The following SLC1A5 variants were observed in gnomAD, a reference collection of about 807,000 sequenced individuals.
The protein encoded by SLC1A5 is neutral amino acid transporter B(0).
Under a neutral mutation model 34.9 loss-of-function variants are expected in SLC1A5, and 25 were observed. That is an observed-to-expected ratio of 0.72 (90% CI 0.52 to 1.00). The LOEUF (loss-of-function observed/expected upper bound fraction) is 1.00. Ranked by LOEUF, SLC1A5 falls within the 50% of genes least tolerant of loss-of-function variation. SLC1A5 has a pLI of 0.00. For synonymous variants in SLC1A5, 351 were observed against 341.2 expected (o/e 1.03, Z -0.32); for missense variants, 637 against 740.0 (o/e 0.86, Z 1.61).
At position 46,787,734 on chromosome 19, in the gene SLC1A5, C is replaced by G. The variant is rs1213480950; in HGVS notation, c.232G>C (p.Ala78Pro). 2 of 1,559,644 alleles carry G rather than the reference C, an allele frequency of 1.3e-6. No individual in the cohort carries two copies. Among genetic ancestry groups the G allele is most frequent in the South Asian group, 2.3e-5 (2 of 86,146 alleles). ...LGLGVSGAGG[A>P]LALGPERLSA... The stretch of plus-strand genomic sequence containing the variant: ...AAGCGCTCCGGGCCCAACGCCAGCG[C>G]ACCCCCGGCCCCCGACACCCCCAGT... The change falls in exon 1 of 8, where the codon GCG (alanine) becomes CCG (proline). Residue 78 changes from alanine to proline, a missense_variant. Coordinates refer to ENST00000542575, the MANE Select transcript of SLC1A5 (RefSeq NM_005628.3). This position sits in a 1 kb window ranked among gnomAD's most constrained non-coding sequence, Gnocchi z 5.2.
At chr19:46,775,961 G>A (rs926779819) in intron 7 of SLC1A5, among the ~76,000 whole-genome samples, 2 of 151,328 alleles carry the variant, frequency 1.3e-5, no homozygotes, top group Non-Finnish European at 2.9e-5. Context: ...CACACCTATA[G>A]TCCCAGCTAC....
At chr19:46,784,866 G>A in intron 1 of SLC1A5, 2 of 1,375,070 alleles carry the variant, frequency 1.5e-6, no homozygotes, top group Non-Finnish European at 1.9e-6. Flanking sequence ...CCGGGCCTCA[G>A]CTCCACCCCA....
Position 46,774,983 on chromosome 19 carries a change from C to G in SLC1A5, c.*527G>C, listed in dbSNP as rs1455547767. ...CTCCCCAGAGTCCCTGGGAGTGTTT[C>G]TGTTATTGTGGAGGGAATAGGGGAT... On this transcript the variant is annotated 3_prime_UTR_variant, in exon 8 of 8. Transcript: ENST00000542575. 1.0e-6 allele frequency: 1 copy of G among 985,916 alleles called. No individual in the cohort carries two copies. Among genetic ancestry groups the G allele is most frequent in the Admixed American group, 6.2e-5 (1 of 16,250 alleles). The allele number at this position is 985,916 out of a possible 1,614,324, so 61.1% of individuals were successfully genotyped here.
rs1279115527 is a variant in SLC1A5, at chr19:46,784,503, C to T, written c.609+14G>A. 3.7e-6 allele frequency: 6 copies of T among 1,613,708 alleles called. No homozygotes were observed. The highest frequency in any genetic ancestry group is 2.2e-5 in the East Asian group (1 of 44,890). On this transcript the variant is annotated intron_variant, in intron 2 of 7. Coordinates refer to ENST00000542575, the MANE Select transcript of SLC1A5 (RefSeq NM_005628.3). ...GTCCACCCCCATCCCCTCAGGACAC[C>T]CCTGAGGACTCACTGAGCGAAAGGC...
chr19:46,783,234 T>C (rs313851), intron 3 of SLC1A5, among the ~76,000 whole-genome samples: 29,256 of 151,220 alleles, frequency 0.19, 3,053 homozygotes, highest in East Asian at 0.27. Context: ...GAGGCTAAGG[T>C]GGGCAGATCA....
rs747192525 is a variant in SLC1A5, at chr19:46,784,502, C to A, written c.609+15G>T. 1.9e-6 allele frequency: 3 copies of A among 1,613,806 alleles called. No homozygotes were observed. Among genetic ancestry groups the A allele is most frequent in the Non-Finnish European group, 2.5e-6 (3 of 1,179,748 alleles). ...TGTCCACCCCCATCCCCTCAGGACA[C>A]CCCTGAGGACTCACTGAGCGAAAGG... On this transcript the variant is annotated intron_variant, in intron 2 of 7. Coordinates refer to ENST00000542575, the MANE Select transcript of SLC1A5 (RefSeq NM_005628.3).
rs751974528 is a variant in SLC1A5 at position 46,787,641 on chromosome 19, C to A, written c.325G>T (p.Val109Leu). The A allele has an allele frequency of 8.2e-6, 13 of 1,583,722 alleles. No homozygotes were observed. The highest frequency in any genetic ancestry group is 1.1e-5 in the Non-Finnish European group (13 of 1,168,388). The change falls in exon 1 of 8, where the codon GTG (valine) becomes TTG (leucine). Residue 109 changes from valine (V) to leucine (L), a missense_variant. By Grantham distance (32) the Val-to-Leu change is conservative. Coordinates refer to ENST00000542575, the MANE Select transcript of SLC1A5 (RefSeq NM_005628.3). The surrounding 1 kb of genome is among the most constrained non-coding windows in gnomAD (Gnocchi z 5.2). ...LLRMIILPLV[V>L]CSLIGGAASL... ...GCGGCGCCGCCGATCAAGCTGCACACCACCAGCGGCAAGATGATCATCCGC... is the reference window on the plus strand; with the variant it reads ...GCGGCGCCGCCGATCAAGCTGCACAACACCAGCGGCAAGATGATCATCCGC...
chr19:46,782,313 C>T (rs1644342), intron 4 of SLC1A5, 70 bp downstream of exon 4: 23 of 1,423,308 alleles, frequency 1.6e-5, no homozygotes, highest in East Asian at 7.1e-5. Context: ...CAGAATGCCC[C>T]GCACCTGCCT....
chr19:46,778,659 C>A lies in SLC1A5; in HGVS notation c.1058+16G>T. ...GCGGATTAAACATCCCACCCTAGCCCACCCCAAGGCCGTACCTGGAAGAGG... is the reference window on the plus strand; with the variant it reads ...GCGGATTAAACATCCCACCCTAGCCAACCCCAAGGCCGTACCTGGAAGAGG... On this transcript the variant is annotated intron_variant, in intron 5 of 7. Transcript: ENST00000542575. The A allele has an allele frequency of 8.5e-6, 12 of 1,406,908 alleles. No individual in the cohort carries two copies. The highest frequency in any genetic ancestry group is 2.3e-5 in the South Asian group (2 of 85,654). The allele number at this position is 1,406,908 out of a possible 1,614,324, so 87.2% of individuals were successfully genotyped here. A position where few individuals can be genotyped will look rare whatever the true frequency, so the allele number is the denominator to read the frequency against.
At position 46,777,369 on chromosome 19, in the gene SLC1A5, C is replaced by T. The variant is rs777681655; in HGVS notation, c.1095G>A (p.Glu365=). Residue 365 remains glutamate (E), a synonymous_variant, in exon 6 of 8, where the codon GAG becomes GAA. Transcript: ENST00000542575. ...ATLPLMMKCV[E]ENNGVAKHIS... ...TGTGCTTGGCCACGCCATTATTCTC[C>T]TCCACGCACTTCATCATCAGCGGCA... The T allele has an allele frequency of 1.2e-6, 2 of 1,612,560 alleles. No individual in the cohort carries two copies. The highest frequency in any genetic ancestry group is 4.5e-5 in the East Asian group (2 of 44,874).
Position 46,775,583 on chromosome 19 carries a change from T to C in SLC1A5, c.1553A>G (p.Asn518Ser). 1 of 1,613,794 alleles carries C rather than the reference T, an allele frequency of 6.2e-7. No homozygotes were observed. ...CCCCCGATAGTGTTTGAGGAGGGGG[T>C]TTCCTTCCTCAGTGGGGACTGGCAG... The part of the protein sequence containing the change: ...DPLPVPTEEG[N>S]PLLKHYRGPA... The change falls in exon 8 of 8, where the codon AAC becomes AGC. Residue 518 changes from asparagine (N) to serine (S), a missense_variant. By Grantham distance (46) the Asn-to-Ser change is conservative (BLOSUM62 1). Coordinates refer to ENST00000542575, the MANE Select transcript of SLC1A5 (RefSeq NM_005628.3).
intron 4 of SLC1A5, among the ~76,000 whole-genome samples, chr19:46,779,439 A>T (rs957613390): frequency 6.6e-6 from 1 of 151,624 alleles, no homozygotes; most frequent in East Asian, 1.9e-4. Flanking sequence ...AAAAAAAAAA[A>T]AAAAAAGTCT....
rs534550376 is a variant in SLC1A5, at chr19:46,788,086, G to A, written c.-121C>T. 8.8e-6 allele frequency: 8 copies of A among 904,064 alleles called. No individual in the cohort carries two copies. The South Asian group carries it at 1.4e-4, about 16-fold the overall frequency. 56.0% of individuals were successfully genotyped at this position (904,064 alleles called of 1,614,324 possible). On this transcript the variant is annotated 5_prime_UTR_variant, in exon 1 of 8. Coordinates refer to ENST00000542575, the MANE Select transcript of SLC1A5 (RefSeq NM_005628.3). ...ACAGCACCTGGAGACTGGAACTTTG[G>A]AGGGCTCCTTAGAGTTGTGAGTTCA...
At position 46,782,376 on chromosome 19, in the gene SLC1A5, CA is replaced by C; in HGVS notation, c.824+6del. On this transcript the variant is annotated splice_donor_region_variant and intron_variant, in intron 4 of 7. Transcript: ENST00000542575. ...ACCCACCCCCAGCCTCCTCTCCCAC[CA>C]CCTACCACATGATCCAGGAGACCAG... 1.9e-6 allele frequency: 3 copies of C among 1,604,460 alleles called. No homozygotes were observed. The highest frequency in any genetic ancestry group is 1.1e-5 in the South Asian group (1 of 90,694).
Position 46,778,833 on chromosome 19 carries a change from G to A in SLC1A5, c.900C>T (p.Ala300=), listed in dbSNP as rs772502576. 19 of 1,610,214 alleles carry A rather than the reference G, an allele frequency of 1.2e-5. No homozygotes were observed. The highest frequency in any genetic ancestry group is 1.7e-4 in the Middle Eastern group (1 of 6,058). The change falls in exon 5 of 8, where the codon GCC becomes GCT. Residue 300 remains alanine, a synonymous_variant. Coordinates refer to ENST00000542575, the MANE Select transcript of SLC1A5 (RefSeq NM_005628.3). ...AGCACAGAATGTACTTGCCAAGGCG[G>A]GCAAAGAGTAAACCCACATCCTCCA... ...VEMEDVGLLF[A]RLGKYILCCL... is the part of the protein sequence containing the mutation.
intron 3 of SLC1A5, 104 bp from the exon 4 acceptor site, chr19:46,782,653 G>A (rs1336201220): frequency 1.6e-5 from 21 of 1,348,226 alleles, no homozygotes; most frequent in East Asian, 7.0e-5. Flanking sequence ...AGACAAGGCA[G>A]CCCTCAGACC....
Position 46,788,234 on chromosome 19 carries a change from G to A in SLC1A5, c.-269C>T, listed in dbSNP as rs889771688. ...GAAAGCTGGGAGTTCGGAGCGCCCGGGTTCCTTGGCCCTAGGAGCTGGGAA... is the reference window on the plus strand; with the variant it reads ...GAAAGCTGGGAGTTCGGAGCGCCCGAGTTCCTTGGCCCTAGGAGCTGGGAA... On this transcript the variant is annotated 5_prime_UTR_variant, in exon 1 of 8. Coordinates refer to ENST00000542575, the MANE Select transcript of SLC1A5 (RefSeq NM_005628.3). The A allele has an allele frequency of 2.2e-6, 1 of 452,390 alleles. No homozygotes were observed. Among genetic ancestry groups the A allele is most frequent in the Non-Finnish European group, 3.9e-6 (1 of 258,444 alleles). The allele number at this position is 452,390 out of a possible 1,614,324, so 28.0% of individuals were successfully genotyped here. A position where few individuals can be genotyped will look rare whatever the true frequency, so the allele number is the denominator to read the frequency against.
chr19:46,777,367 T>C lies in SLC1A5; in HGVS notation c.1097A>G (p.Glu366Gly), dbSNP rs1231049116. The change falls in exon 6 of 8, where the codon GAG becomes GGG. Residue 366 changes from glutamate (E) to glycine (G), a missense_variant. Glu to Gly is a moderately conservative substitution (Grantham distance 98). Coordinates refer to ENST00000542575, the MANE Select transcript of SLC1A5 (RefSeq NM_005628.3). ...TLPLMMKCVE[E>G]NNGVAKHISR... is the part of the protein sequence containing the mutation. ...GATGTGCTTGGCCACGCCATTATTCTCCTCCACGCACTTCATCATCAGCGG... is the reference window on the plus strand; with the variant it reads ...GATGTGCTTGGCCACGCCATTATTCCCCTCCACGCACTTCATCATCAGCGG... 5.6e-6 allele frequency: 9 copies of C among 1,612,772 alleles called. No individual in the cohort carries two copies. Among genetic ancestry groups the C allele is most frequent in the Admixed American group, 3.4e-5 (2 of 59,688 alleles).
At chr19:46,784,390 CT>C in intron 2 of SLC1A5, 126 bp downstream of exon 2, 1 of 1,094,242 alleles carries the variant, frequency 9.1e-7, no homozygotes, top group Non-Finnish European at 1.4e-6. Flanking sequence ...ACAGGAGGCT[CT>C]GAGCCCGTAT....
Sources: gnomAD v4.1 joint callset for allele counts (sites outside exome capture counted in the v4.1 genomes callset) on GRCh38, gnomAD v4.1.1 for gene constraint, Gnocchi (gnomAD v3.1) non-coding constraint, MANE v1.5 for transcripts, NCBI Gene and HGNC (gene_info 2026-07-23, HGNC 2026-07-21) for gene names.